OR2L13: variants seen among roughly 807,000 people sequenced by gnomAD.
The protein encoded by OR2L13 is olfactory receptor 2L13.
A neutral mutation model predicts 15.3 loss-of-function variants in OR2L13; 14 were observed. That is an observed-to-expected ratio of 0.91 (90% CI 0.60 to 1.43). The LOEUF (loss-of-function observed/expected upper bound fraction) is 1.43, where lower values mean the gene tolerates loss of function less well. Among genes scored for constraint, OR2L13 ranks in the 40% most tolerant of loss-of-function variants. The pLI, the probability that OR2L13 is intolerant of heterozygous loss-of-function variation, is 0.00. For synonymous variants in OR2L13, 152 were observed against 142.9 expected (o/e 1.06, Z -0.45); for missense variants, 367 against 387.9 (o/e 0.95, Z 0.45).
the OR2L13 span, among the ~76,000 whole-genome samples, chr1:248,068,145 GGTTC>G: frequency 2.0e-5 from 3 of 152,290 alleles, no homozygotes; most frequent in South Asian, 6.2e-4. Flanking sequence ...AGAGAGCAGT[GGTTC>G]TCCCAGCACG....
At chr1:247,976,610 CAT>C in the OR2L13 span, among the ~76,000 whole-genome samples, 1 of 152,134 alleles carries the variant, frequency 6.6e-6, no homozygotes, top group Non-Finnish European at 1.5e-5. Context: ...GTTTTAATAA[CAT>C]AAAATATGTG....
chr1:247,994,617 G>T, the OR2L13 span, among the ~76,000 whole-genome samples: 1 of 152,162 alleles, frequency 6.6e-6, no homozygotes, highest in Non-Finnish European at 1.5e-5. Flanking sequence ...TGGGGAGGGA[G>T]AGAAAGAGCG....
At chr1:247,981,421 C>G in the OR2L13 span, among the ~76,000 whole-genome samples, 1 of 152,014 alleles carries the variant, frequency 6.6e-6, no homozygotes, top group Non-Finnish European at 1.5e-5. Flanking sequence ...ATGCAGGTAA[C>G]CATATGATTA....
the OR2L13 span, among the ~76,000 whole-genome samples, chr1:248,085,330 A>G: frequency 6.6e-6 from 1 of 151,180 alleles, no homozygotes; most frequent in African/African-American, 2.4e-5. Context: ...TGTCCAAACC[A>G]CCATCGCCCT....
At chr1:248,047,341 T>A in the OR2L13 span, among the ~76,000 whole-genome samples, 1 of 140,402 alleles carries the variant, frequency 7.1e-6, no homozygotes, top group South Asian at 2.1e-4. Flanking sequence ...TATTTTACCT[T>A]ATATGAATCC....
the OR2L13 span, chr1:248,040,414 T>C: frequency 6.6e-6 from 1 of 152,164 alleles, no homozygotes; most frequent in South Asian, 2.1e-4. Flanking sequence ...GAATGGTCCT[T>C]GAGCAACACA....
At chr1:248,050,997 A>G in the OR2L13 span, among the ~76,000 whole-genome samples, 1 of 152,206 alleles carries the variant, frequency 6.6e-6, no homozygotes, top group Non-Finnish European at 1.5e-5. Flanking sequence ...ATCTTTTATT[A>G]GTGCAAATAT....
chr1:248,008,932 T>G, the OR2L13 span, among the ~76,000 whole-genome samples: 229 of 152,274 alleles, frequency 1.5e-3, 1 homozygote, highest in African/African-American at 4.7e-3. Flanking sequence ...TGCTCCTGAA[T>G]GACTATTGGG....
At chr1:247,986,988 G>T in the OR2L13 span, among the ~76,000 whole-genome samples, 1 of 151,954 alleles carries the variant, frequency 6.6e-6, no homozygotes. Context: ...TCAACATTTT[G>T]TCATTTTTCA....
upstream of OR2L13, among the ~76,000 whole-genome samples, chr1:248,092,348 A>T (rs756679603): frequency 1.3e-5 from 2 of 152,202 alleles, no homozygotes; most frequent in Non-Finnish European, 2.9e-5. Context: ...ACCTAACAAC[A>T]TAATGTCAAA....
the OR2L13 span, chr1:248,038,750 T>C: frequency 3.1e-6 from 5 of 1,614,212 alleles, no homozygotes; most frequent in Non-Finnish European, 4.2e-6. Flanking sequence ...ACACAGTATA[T>C]GCACTCTGTA....
chr1:248,098,215 G>A lies in OR2L13; in HGVS notation c.-143-436G>A, dbSNP rs538077467. Among the ~76,000 whole-genome samples, 103 of 152,242 alleles carry A rather than the reference G, an allele frequency of 6.8e-4. 1 individual carries two copies. Among genetic ancestry groups the A allele is most frequent in the African/African-American group, 2.4e-3 (101 of 41,540 alleles). ...GTTTGAGTTTGTTGGTCTATTGTTT[G>A]TATAATTATCTCAATTTTAATTACA... On this transcript the variant is annotated intron_variant, in intron 1 of 2. Coordinates refer to ENST00000641714, the Ensembl canonical transcript of OR2L13.
At chr1:247,991,030 G>A in the OR2L13 span, 2 of 1,544,456 alleles carry the variant, frequency 1.3e-6, no homozygotes, top group Non-Finnish European at 1.8e-6. Context: ...TGCACCCTTT[G>A]CTTATACCTA....
the OR2L13 span, among the ~76,000 whole-genome samples, chr1:248,019,477 A>G: frequency 3.3e-5 from 5 of 152,238 alleles, 1 homozygote; most frequent in Middle Eastern, 0.017. Context: ...TCATTTTGGC[A>G]CTGACTATAC....
chr1:247,967,353 C>T, the OR2L13 span, among the ~76,000 whole-genome samples: 26 of 152,054 alleles, frequency 1.7e-4, no homozygotes, highest in East Asian at 5.0e-3. Flanking sequence ...CTCAGGCTCC[C>T]AAATAGTTGA....
chr1:248,039,477 A>G, the OR2L13 span: 6 of 251,398 alleles, frequency 2.4e-5, no homozygotes, highest in African/African-American at 4.6e-5. Context: ...CTCTAATGCA[A>G]TGGCGCAATC....
chr1:247,994,824 G>A, the OR2L13 span, among the ~76,000 whole-genome samples: 1 of 152,266 alleles, frequency 6.6e-6, no homozygotes, highest in South Asian at 2.1e-4. Context: ...ATATGTATAT[G>A]AATGTCAAAC....
At chr1:247,984,952 C>G in the OR2L13 span, among the ~76,000 whole-genome samples, 6 of 152,186 alleles carry the variant, frequency 3.9e-5, no homozygotes, top group African/African-American at 1.4e-4. Flanking sequence ...TTTGACTACT[C>G]TGGGTACTTC....
the OR2L13 span, among the ~76,000 whole-genome samples, chr1:248,031,245 T>C: frequency 6.6e-6 from 1 of 152,212 alleles, no homozygotes; most frequent in Non-Finnish European, 1.5e-5. Context: ...GCTCTATTTT[T>C]TCTAACAATA....
Sources: gnomAD v4.1 joint callset for allele counts (sites outside exome capture counted in the v4.1 genomes callset) on GRCh38, gnomAD v4.1.1 for gene constraint, MANE v1.5 for transcripts, NCBI Gene and HGNC (gene_info 2026-07-23, HGNC 2026-07-21) for gene names.